The following ROBO1 variants were observed in gnomAD, a reference collection of about 807,000 sequenced individuals.
The protein encoded by ROBO1 is roundabout homolog 1.
ROBO1 carries 149 observed loss-of-function variants against 195.9 expected under a neutral mutation model. The ratio of observed to expected loss-of-function variants is 0.76; its 90% CI spans 0.67 to 0.87. ROBO1 has a LOEUF of 0.87. ROBO1 is among the 40% of genes least tolerant of loss of function. ROBO1 has a pLI of 0.00. For synonymous variants in ROBO1, 816 were observed against 733.2 expected (o/e 1.11, Z -1.82); for missense variants, 1,933 against 2,068.3 (o/e 0.93, Z 1.27).
intron 3 of ROBO1, among the ~76,000 whole-genome samples, chr3:78,988,477 G>A (rs1365055508): frequency 2.0e-5 from 3 of 152,080 alleles, no homozygotes; most frequent in Non-Finnish European, 4.4e-5. Flanking sequence ...TCCCTTAGAA[G>A]GCACACTACA....
chr3:79,709,555 C>T (rs1702191851), intron 1 of ROBO1, among the ~76,000 whole-genome samples: 1 of 152,014 alleles, frequency 6.6e-6, no homozygotes, highest in African/African-American at 2.4e-5. Context: ...TCAACAATGA[C>T]ATTAATATAA....
intron 25 of ROBO1, among the ~76,000 whole-genome samples, chr3:78,629,298 CT>C (rs202040928): frequency 7.6e-6 from 1 of 131,016 alleles, no homozygotes; most frequent in South Asian, 2.6e-4. Flanking sequence ...TCCTATATTG[CT>C]TTTTTTTTAA....
At chr3:79,063,301 G>A (rs1021033723) in intron 3 of ROBO1, among the ~76,000 whole-genome samples, 5 of 151,722 alleles carry the variant, frequency 3.3e-5, no homozygotes, top group East Asian at 3.9e-4. Flanking sequence ...AGATAGCTCC[G>A]GCAATACTCT....
chr3:79,330,047 T>A (rs2034368829), intron 2 of ROBO1, among the ~76,000 whole-genome samples: 1 of 151,798 alleles, frequency 6.6e-6, no homozygotes, highest in Non-Finnish European at 1.5e-5. Flanking sequence ...TGTACTAATA[T>A]CCTGATTTGT....
chr3:79,174,893 A>G (rs1020844328), intron 2 of ROBO1, among the ~76,000 whole-genome samples: 2 of 151,904 alleles, frequency 1.3e-5, no homozygotes, highest in Non-Finnish European at 2.9e-5. Context: ...ATTTAGAAAA[A>G]TCCTAAGTTT....
intron 3 of ROBO1, among the ~76,000 whole-genome samples, chr3:78,996,336 A>C (rs1379600340): frequency 5.1e-4 from 7 of 13,798 alleles, no homozygotes; most frequent in Non-Finnish European, 1.5e-3. Context: ...ACAAAAAAAA[A>C]AAACAAAAAA....
Position 78,688,743 on chromosome 3 carries a change from C to A in ROBO1, c.1075G>T (p.Asp359Tyr). 6.2e-7 allele frequency: 1 copy of A among 1,608,994 alleles called. No individual in the cohort carries two copies. Among genetic ancestry groups the A allele is most frequent in the South Asian group, 1.1e-5 (1 of 89,716 alleles). The change falls in exon 9 of 31, where the codon GAC (aspartate) becomes TAC (tyrosine). Residue 359 changes from aspartate (D) to tyrosine (Y), a missense_variant. Coordinates refer to ENST00000464233, the MANE Select transcript of ROBO1 (RefSeq NM_002941.4). ...EPPHFVVKPR[D>Y]QVVALGRTVT... Reference sequence around the variant, plus strand: ...GTCCGTCCCAAAGCAACAACCTGGTCACGGGGTTTCACAACAAAATGTGGA... The same window carrying A: ...GTCCGTCCCAAAGCAACAACCTGGTAACGGGGTTTCACAACAAAATGTGGA...
At position 78,668,666 on chromosome 3, in the gene ROBO1, T is replaced by G. The variant is rs1176395435; in HGVS notation, c.1549-101A>C. On this transcript the variant is annotated intron_variant, in intron 11 of 30. Coordinates refer to ENST00000464233, the MANE Select transcript of ROBO1 (RefSeq NM_002941.4). ...TATATGATCCATGAATATGGATAAC[T>G]GCATTAAAATTCACTAACCAGAAAC... is the stretch of plus-strand genomic sequence containing the variant. 5 of 946,256 alleles carry G rather than the reference T, an allele frequency of 5.3e-6. 1 individual carries two copies. Among genetic ancestry groups the G allele is most frequent in the Admixed American group, 2.6e-5 (1 of 37,944 alleles). 58.6% of individuals were successfully genotyped at this position (946,256 alleles called of 1,614,324 possible). A position where few individuals can be genotyped will look rare whatever the true frequency, so the allele number is the denominator to read the frequency against.
chr3:78,960,828 AC>A (rs2041305160), intron 3 of ROBO1, among the ~76,000 whole-genome samples: 12 of 148,046 alleles, frequency 8.1e-5, no homozygotes, highest in African/African-American at 2.7e-4. Context: ...ACACACACAC[AC>A]ACACAAAATG....
chr3:79,091,599 C>A (rs114149263), intron 3 of ROBO1, among the ~76,000 whole-genome samples: 369 of 151,748 alleles, frequency 2.4e-3, no homozygotes, highest in African/African-American at 8.5e-3. Flanking sequence ...CAGAAACAAG[C>A]GAAAGAAAAA....
At chr3:79,693,021 A>C (rs889321431) in intron 1 of ROBO1, among the ~76,000 whole-genome samples, 38 of 151,750 alleles carry the variant, frequency 2.5e-4, no homozygotes, top group African/African-American at 8.9e-4. Context: ...GGTCAGGTGC[A>C]TGTTGGTGCT....
intron 4 of ROBO1, among the ~76,000 whole-genome samples, chr3:78,755,028 T>C (rs1057055588): frequency 2.6e-5 from 4 of 152,152 alleles, no homozygotes; most frequent in Non-Finnish European, 4.4e-5. Flanking sequence ...AGATTTGCTA[T>C]GCACAGCAGC....
intron 1 of ROBO1, among the ~76,000 whole-genome samples, chr3:79,597,376 A>G (rs552197291): frequency 1.6e-4 from 25 of 151,876 alleles, no homozygotes; most frequent in Non-Finnish European, 2.9e-4. Flanking sequence ...TTACTACCAA[A>G]CTCTTTTCAA....
At chr3:78,641,049 T>C (rs561614902) in intron 21 of ROBO1, among the ~76,000 whole-genome samples, 2 of 152,186 alleles carry the variant, frequency 1.3e-5, no homozygotes, top group African/African-American at 2.4e-5. Context: ...TGGGTACATA[T>C]AGTTATATAA....
At chr3:79,643,180 C>T (rs1945717486) in intron 1 of ROBO1, among the ~76,000 whole-genome samples, 2 of 152,292 alleles carry the variant, frequency 1.3e-5, no homozygotes, top group South Asian at 2.1e-4. Flanking sequence ...GCTTCCTGCC[C>T]TCCAACATTG....
At chr3:78,885,538 T>C (rs1466074492) in intron 4 of ROBO1, among the ~76,000 whole-genome samples, 1 of 150,472 alleles carries the variant, frequency 6.6e-6, no homozygotes, top group Non-Finnish European at 1.5e-5. Flanking sequence ...AAAGTAGTTA[T>C]ATTGGTAAAG....
At chr3:79,025,299 T>C (rs1311640937) in intron 3 of ROBO1, among the ~76,000 whole-genome samples, 1 of 152,182 alleles carries the variant, frequency 6.6e-6, no homozygotes, top group Non-Finnish European at 1.5e-5. Flanking sequence ...AAACTTACAT[T>C]CGCACGCAAT....
chr3:79,253,812 A>C (rs767702023), intron 2 of ROBO1, among the ~76,000 whole-genome samples: 5 of 152,202 alleles, frequency 3.3e-5, no homozygotes, highest in Non-Finnish European at 5.9e-5. Context: ...CCTAAAGATG[A>C]GCATTCTGAC....
chr3:79,671,188 C>A (rs552384018), intron 1 of ROBO1, among the ~76,000 whole-genome samples: 1 of 151,880 alleles, frequency 6.6e-6, no homozygotes, highest in Admixed American at 6.6e-5. Context: ...CAATTAATTA[C>A]ATACATTATG....
Sources: allele counts gnomAD v4.1 joint callset (sites outside exome capture counted in the v4.1 genomes callset), GRCh38; gene constraint gnomAD v4.1.1; transcripts MANE v1.5; gene names NCBI Gene and HGNC (gene_info 2026-07-23, HGNC 2026-07-21).